The following ZBTB8A variants were observed in gnomAD, a reference collection of about 807,000 sequenced individuals.
ZBTB8A encodes zinc finger and BTB domain containing 8A.
In ZBTB8A, 19 loss-of-function variants were observed where a neutral mutation model predicts 37.8. The ratio of observed to expected loss-of-function variants is 0.50; its 90% CI spans 0.35 to 0.74. The LOEUF (loss-of-function observed/expected upper bound fraction) is 0.74, where lower values mean the gene tolerates loss of function less well. Ranked by LOEUF, ZBTB8A falls within the 30% of genes least tolerant of loss-of-function variation. ZBTB8A has a pLI of 0.01. For synonymous variants in ZBTB8A, 181 were observed against 185.2 expected (o/e 0.98, Z 0.19); for missense variants, 394 against 537.8 (o/e 0.73, Z 2.65).
chr1:32,562,817 A>G (rs920318093), intron 2 of ZBTB8A, among the ~76,000 whole-genome samples: 5 of 152,000 alleles, frequency 3.3e-5, no homozygotes, highest in African/African-American at 1.2e-4. Flanking sequence ...TCCTGACCTC[A>G]AGTGATCCAC....
At chr1:32,549,600 GC>G (rs1644134711) in intron 1 of ZBTB8A, among the ~76,000 whole-genome samples, 1 of 152,148 alleles carries the variant, frequency 6.6e-6, no homozygotes, top group African/African-American at 2.4e-5. Context: ...TATAGGCCAT[GC>G]GCAGTGTAAT....
At chr1:32,582,489 C>T (rs111471181) in intron 2 of ZBTB8A, among the ~76,000 whole-genome samples, 1 of 151,940 alleles carries the variant, frequency 6.6e-6, no homozygotes, top group Non-Finnish European at 1.5e-5. Context: ...CTCTACTAAA[C>T]ATACAAAAAT....
chr1:32,563,539 T>C (rs1644258904), intron 2 of ZBTB8A, among the ~76,000 whole-genome samples: 2 of 152,286 alleles, frequency 1.3e-5, no homozygotes, highest in South Asian at 2.1e-4. Context: ...CTCAGCTCAG[T>C]GCAGCCTCCG....
At chr1:32,577,016 G>T (rs978968295) in intron 2 of ZBTB8A, among the ~76,000 whole-genome samples, 9 of 151,058 alleles carry the variant, frequency 6.0e-5, no homozygotes, top group Middle Eastern at 3.4e-3. Flanking sequence ...GGGATTACAG[G>T]TGTGCACCAT....
rs111814676 is a variant in ZBTB8A, at chr1:32,557,750, C to T, written c.-2+4210C>T. On this transcript the variant is annotated intron_variant, in intron 2 of 4. Coordinates refer to ENST00000373510, the MANE Select transcript of ZBTB8A (RefSeq NM_001040441.3). ...AAGTGCTGGGATTATAGGTGTAAGC[C>T]ACCGCGCCTGGTCCATTTTACCAAA... Among the ~76,000 whole-genome samples, 302 of 152,270 alleles carry T rather than the reference C, an allele frequency of 2.0e-3. 2 individuals are homozygous for T. Among genetic ancestry groups the T allele is most frequent in the African/African-American group, 6.8e-3 (284 of 41,568 alleles).
intron 1 of ZBTB8A, among the ~76,000 whole-genome samples, chr1:32,542,860 G>C (rs1034288234): frequency 6.6e-6 from 1 of 152,106 alleles, no homozygotes; most frequent in Non-Finnish European, 1.5e-5. Context: ...CATATAAATT[G>C]ATCTAACTTG....
intron 2 of ZBTB8A, among the ~76,000 whole-genome samples, chr1:32,558,091 A>G (rs1644216568): frequency 1.3e-5 from 2 of 152,350 alleles, no homozygotes; most frequent in East Asian, 1.9e-4. Flanking sequence ...TATAACATAT[A>G]TAGACCTATA....
chr1:32,558,188 C>T (rs1644217335), intron 2 of ZBTB8A, among the ~76,000 whole-genome samples: 1 of 152,080 alleles, frequency 6.6e-6, no homozygotes. Context: ...CTCTAAGAAA[C>T]AGATCATCTT....
chr1:32,597,222 T>C (rs1233451545), intron 4 of ZBTB8A, among the ~76,000 whole-genome samples: 1 of 152,178 alleles, frequency 6.6e-6, no homozygotes, highest in Non-Finnish European at 1.5e-5. Context: ...CTTGAATTCC[T>C]GACCTCAAGT....
chr1:32,561,594 G>A (rs1644244373), intron 2 of ZBTB8A, among the ~76,000 whole-genome samples: 1 of 151,964 alleles, frequency 6.6e-6, no homozygotes, highest in African/African-American at 2.4e-5. Flanking sequence ...TTTGAGACCA[G>A]CCTGTTGCCT....
At chr1:32,544,177 T>A (rs1209638352) in intron 1 of ZBTB8A, among the ~76,000 whole-genome samples, 1 of 152,208 alleles carries the variant, frequency 6.6e-6, no homozygotes, top group Non-Finnish European at 1.5e-5. Flanking sequence ...GTATATACAG[T>A]CATATGTCAC....
intron 2 of ZBTB8A, among the ~76,000 whole-genome samples, chr1:32,586,002 T>TCAAAAA (rs1003803750): frequency 3.4e-5 from 5 of 147,818 alleles, no homozygotes; most frequent in South Asian, 2.1e-4. Context: ...AAATTCCGTC[T>TCAAAAA]CAAAAACAAA....
At chr1:32,547,830 A>AAAAAAAAAAAAAAAAAAAAAAAAAAAC (rs1644118829) in intron 1 of ZBTB8A, among the ~76,000 whole-genome samples, 1 of 139,220 alleles carries the variant, frequency 7.2e-6, no homozygotes, top group African/African-American at 2.6e-5. Flanking sequence ...AAACAAAGCA[A>AAAAAAAAAAAAAAAAAAAAAAAAAAAC]AAAAAAAAAA....
At chr1:32,578,553 C>A (rs1010387252) in intron 2 of ZBTB8A, among the ~76,000 whole-genome samples, 6 of 152,014 alleles carry the variant, frequency 3.9e-5, no homozygotes, top group Admixed American at 2.0e-4. Flanking sequence ...TTATATCTTT[C>A]AATATGTTCA....
At chr1:32,597,697 A>G (rs1432092601) in intron 4 of ZBTB8A, among the ~76,000 whole-genome samples, 1 of 152,208 alleles carries the variant, frequency 6.6e-6, no homozygotes, top group East Asian at 1.9e-4. Context: ...ATGAATCTGT[A>G]TCAGAGCTTG....
intron 1 of ZBTB8A, among the ~76,000 whole-genome samples, chr1:32,549,557 A>T (rs1379731952): frequency 1.3e-5 from 2 of 151,676 alleles, no homozygotes; most frequent in Non-Finnish European, 2.9e-5. Flanking sequence ...TGCCAATGAC[A>T]TTGCTAGTGT....
chr1:32,579,495 C>CA (rs781222937), intron 2 of ZBTB8A, among the ~76,000 whole-genome samples: 64 of 151,942 alleles, frequency 4.2e-4, no homozygotes, highest in Non-Finnish European at 6.9e-4. Context: ...AAATATCTTC[C>CA]AACTCTGTGT....
intron 2 of ZBTB8A, among the ~76,000 whole-genome samples, chr1:32,586,339 T>TG (rs1644449116): frequency 6.6e-6 from 1 of 152,138 alleles, no homozygotes; most frequent in Non-Finnish European, 1.5e-5. Flanking sequence ...AACTATTTCC[T>TG]TATGTGTTTT....
rs1366981542 is a variant in ZBTB8A at position 32,604,422 on chromosome 1, A to C, written c.*4003A>C. On this transcript the variant is annotated 3_prime_UTR_variant, in exon 5 of 5. Coordinates refer to ENST00000373510, the MANE Select transcript of ZBTB8A (RefSeq NM_001040441.3). ...AGGTGCACAATGTTGAAAACCATGG[A>C]ATTAGACAACTTCCTGAATTCCCTT... 1 of 152,140 alleles carries C rather than the reference A, an allele frequency of 6.6e-6. No individual in the cohort carries two copies. The highest frequency in any genetic ancestry group is 6.5e-5 in the Admixed American group (1 of 15,268). 9.4% of individuals were successfully genotyped at this position (152,140 alleles called of 1,614,324 possible). A position where few individuals can be genotyped will look rare whatever the true frequency, so the allele number is the denominator to read the frequency against.
Sources: allele counts gnomAD v4.1 joint callset (sites outside exome capture counted in the v4.1 genomes callset), GRCh38; gene constraint gnomAD v4.1.1; transcripts MANE v1.5; gene names NCBI Gene and HGNC (gene_info 2026-07-23, HGNC 2026-07-21).